Variants in TPD52L1 observed in about 807,000 individuals in gnomAD.
TPD52L1 encodes the protein TPD52 like 1, also known as tumor protein D53.
Under a neutral mutation model 28.7 loss-of-function variants are expected in TPD52L1, and 18 were observed. The observed-to-expected ratio is 0.63, with a 90% CI of 0.43 to 0.93. TPD52L1 has a LOEUF of 0.93. Ranked by LOEUF, TPD52L1 falls within the 40% of genes least tolerant of loss-of-function variation. The probability of loss-of-function intolerance (pLI) is 0.00; values close to 1 mark genes in which losing one functional copy is unlikely to be tolerated. For synonymous variants in TPD52L1, 75 were observed against 88.8 expected (o/e 0.84, Z 0.88); for missense variants, 203 against 254.8 (o/e 0.80, Z 1.39).
rs969277826 is a variant in TPD52L1, at chr6:125,241,842, A to AT, written c.285-6429dup. Among the ~76,000 whole-genome samples the AT allele has an allele frequency of 1.8e-3, 234 of 128,118 alleles. 2 individuals are homozygous for AT. Among genetic ancestry groups the AT allele is most frequent in the Middle Eastern group, 4.2e-3 (1 of 238 alleles). The allele number at this position is 128,118 out of a possible 152,430, so 84.1% of individuals were successfully genotyped here. On this transcript the variant is annotated intron_variant, in intron 3 of 6. Coordinates refer to ENST00000534000, the MANE Select transcript of TPD52L1 (RefSeq NM_003287.4). ...ATTTAGTTCTACTCTGATCTTTGTT[A>AT]TTTTTTTTTTTCTTCTGCTGGGTTT...
intron 3 of TPD52L1, among the ~76,000 whole-genome samples, chr6:125,241,360 T>G (rs1796599997): frequency 6.6e-6 from 1 of 152,114 alleles, no homozygotes; most frequent in East Asian, 1.9e-4. Context: ...GGATTTCCTC[T>G]TTCTCTGTCT....
At chr6:125,194,276 ACT>A (rs1793268910) in intron 1 of TPD52L1, among the ~76,000 whole-genome samples, 1 of 152,082 alleles carries the variant, frequency 6.6e-6, no homozygotes, top group African/African-American at 2.4e-5. Flanking sequence ...CTCACCATTA[ACT>A]CTACAGTCTC....
chr6:125,166,311 T>A (rs577505158), intron 1 of TPD52L1, among the ~76,000 whole-genome samples: 2 of 152,304 alleles, frequency 1.3e-5, no homozygotes, highest in East Asian at 3.9e-4. Context: ...TTTTCCAACA[T>A]TTTGTTTTCC....
chr6:125,217,540 C>T (rs1794965441), intron 1 of TPD52L1, among the ~76,000 whole-genome samples: 1 of 152,046 alleles, frequency 6.6e-6, no homozygotes, highest in South Asian at 2.1e-4. Context: ...GGAGGCAGAG[C>T]TCAGGTGGTA....
chr6:125,187,525 C>G (rs1166099812), intron 1 of TPD52L1, among the ~76,000 whole-genome samples: 1 of 152,122 alleles, frequency 6.6e-6, no homozygotes, highest in Non-Finnish European at 1.5e-5. Flanking sequence ...AAATATCCAT[C>G]AAAAGAGCAA....
At chr6:125,154,601 C>T in intron 1 of TPD52L1, 1 of 911,304 alleles carries the variant, frequency 1.1e-6, no homozygotes, top group Non-Finnish European at 1.3e-6. Context: ...CCCGGCCGCC[C>T]AGCTCCCTGC....
chr6:125,243,072 T>C (rs1330325925), intron 3 of TPD52L1, among the ~76,000 whole-genome samples: 1 of 152,190 alleles, frequency 6.6e-6, no homozygotes, highest in Non-Finnish European at 1.5e-5. Flanking sequence ...TTTTGCTGGA[T>C]ACAAAATTCT....
intron 1 of TPD52L1, among the ~76,000 whole-genome samples, chr6:125,196,446 CA>C (rs1046639168): frequency 5.3e-5 from 8 of 152,162 alleles, no homozygotes; most frequent in African/African-American, 1.9e-4. Context: ...CCTGCAAATG[CA>C]AAAAAGTCTA....
intron 1 of TPD52L1, among the ~76,000 whole-genome samples, chr6:125,199,898 T>C (rs1394439897): frequency 6.6e-6 from 1 of 152,226 alleles, no homozygotes; most frequent in Non-Finnish European, 1.5e-5. Context: ...TCATTGTATT[T>C]CCATGTTGTT....
At chr6:125,168,603 C>T (rs752916884) in intron 1 of TPD52L1, among the ~76,000 whole-genome samples, 12 of 151,910 alleles carry the variant, frequency 7.9e-5, no homozygotes, top group South Asian at 2.1e-4. Flanking sequence ...CTGCAAGCTC[C>T]GCCTCCCTGG....
intron 3 of TPD52L1, among the ~76,000 whole-genome samples, chr6:125,230,366 C>CTTT (rs1795879269): frequency 6.6e-6 from 1 of 152,064 alleles, no homozygotes; most frequent in Admixed American, 6.6e-5. Context: ...ATCACAGAGG[C>CTTT]TTTATCCCTA....
rs1187050327 is a variant in TPD52L1, at chr6:125,260,928, G to GAA, written c.487-1904_487-1903dup. On this transcript the variant is annotated intron_variant, in intron 6 of 6. Coordinates refer to ENST00000534000, the MANE Select transcript of TPD52L1 (RefSeq NM_003287.4). ...AGAAAGGAAAGAAAGAAAGAAGAAAGAAAGAAAGAAAGAAAGAAAGAAAGA... is the reference window on the plus strand; with the variant it reads ...AGAAAGGAAAGAAAGAAAGAAGAAAGAAAAAGAAAGAAAGAAAGAAAGAAAGA... 2.5e-4 allele frequency: 4 copies of GAA among 15,954 alleles called. No homozygotes were observed. The African/African-American group carries it at 3.9e-3, about 16-fold the overall frequency. 1.0% of individuals were successfully genotyped at this position (15,954 alleles called of 1,614,324 possible).
chr6:125,201,909 A>G (rs1456165445), intron 1 of TPD52L1, among the ~76,000 whole-genome samples: 1 of 152,134 alleles, frequency 6.6e-6, no homozygotes, highest in Non-Finnish European at 1.5e-5. Flanking sequence ...TTTCCTGGGC[A>G]TTGTCAGTAG....
At chr6:125,219,111 T>G (rs888961213) in intron 1 of TPD52L1, among the ~76,000 whole-genome samples, 1 of 151,812 alleles carries the variant, frequency 6.6e-6, no homozygotes, top group African/African-American at 2.4e-5. Context: ...GAATGTTTCA[T>G]TTTCTTTCCC....
chr6:125,164,361 T>C (rs2114751011), intron 1 of TPD52L1, among the ~76,000 whole-genome samples: 1 of 152,244 alleles, frequency 6.6e-6, no homozygotes, highest in South Asian at 2.1e-4. Flanking sequence ...CTTGCTATTT[T>C]TGTTCTGTTT....
chr6:125,255,041 C>T (rs1241379695), intron 5 of TPD52L1, among the ~76,000 whole-genome samples: 1 of 152,176 alleles, frequency 6.6e-6, no homozygotes, highest in African/African-American at 2.4e-5. Context: ...GAATGGCTTG[C>T]TCTCCCTAGA....
chr6:125,172,612 T>TGGC (rs1791565942), intron 1 of TPD52L1, among the ~76,000 whole-genome samples: 1 of 123,488 alleles, frequency 8.1e-6, no homozygotes, highest in South Asian at 2.4e-4. Flanking sequence ...TATAAATATA[T>TGGC]ATAATTATAT....
chr6:125,166,999 G>A (rs112252507), intron 1 of TPD52L1, among the ~76,000 whole-genome samples: 2,293 of 152,232 alleles, frequency 0.015, 59 homozygotes, highest in African/African-American at 0.053. Context: ...GCTCATGCCT[G>A]TAATTCCAGC....
intron 3 of TPD52L1, among the ~76,000 whole-genome samples, chr6:125,247,484 G>A (rs1178356476): frequency 6.6e-6 from 1 of 152,054 alleles, no homozygotes; most frequent in African/African-American, 2.4e-5. Context: ...TGTTGAATCT[G>A]TCCATTCTAT....
Sources: allele counts gnomAD v4.1 joint callset (sites outside exome capture counted in the v4.1 genomes callset), GRCh38; gene constraint gnomAD v4.1.1; transcripts MANE v1.5; gene names NCBI Gene and HGNC (gene_info 2026-07-23, HGNC 2026-07-21).